Variants in KLF8 observed in about 807,000 individuals in gnomAD.
KLF8 encodes Krueppel-like factor 8.
Under a neutral mutation model 18.2 loss-of-function variants are expected in KLF8, and 10 were observed. The ratio of observed to expected loss-of-function variants is 0.55; its 90% CI spans 0.34 to 0.93. The LOEUF is 0.93. Among genes scored for constraint, KLF8 ranks in the 40% least tolerant of loss-of-function variants. The pLI is 0.02. For synonymous variants in KLF8, 109 were observed against 97.3 expected (o/e 1.12, Z -0.71); for missense variants, 264 against 277.9 (o/e 0.95, Z 0.36).
the KLF8 span, among the ~76,000 whole-genome samples, chrX:55,997,805 T>A: frequency 8.9e-6 from 1 of 111,733 alleles, no homozygotes; most frequent in African/African-American, 3.3e-5. Flanking sequence ...CCTGTGGGTG[T>A]TTCTCATAAG....
the KLF8 span, among the ~76,000 whole-genome samples, chrX:56,138,450 A>G: frequency 8.9e-6 from 1 of 111,861 alleles, no homozygotes; most frequent in Non-Finnish European, 1.9e-5. Flanking sequence ...CAGCAGCTAC[A>G]TCACAAAGCT....
chrX:56,048,242 C>A, the KLF8 span, among the ~76,000 whole-genome samples: 2 of 111,581 alleles, frequency 1.8e-5, no homozygotes. Flanking sequence ...ATGATGATTT[C>A]TTTTGCTGTG....
chrX:56,208,359 G>A, the KLF8 span, among the ~76,000 whole-genome samples: 1 of 110,894 alleles, frequency 9.0e-6, no homozygotes, highest in African/African-American at 3.3e-5. Context: ...TATTTATTTG[G>A]GTCTTATTTC....
At chrX:56,208,990 G>A in the KLF8 span, among the ~76,000 whole-genome samples, 2 of 111,911 alleles carry the variant, frequency 1.8e-5, no homozygotes, top group African/African-American at 6.5e-5. Flanking sequence ...GGTCTACAGT[G>A]CAGATTAAGT....
chrX:56,085,814 A>G, the KLF8 span, among the ~76,000 whole-genome samples: 1 of 112,201 alleles, frequency 8.9e-6, no homozygotes, highest in African/African-American at 3.2e-5. Context: ...GACTTCAAGA[A>G]ATATCTGAGC....
the KLF8 span, among the ~76,000 whole-genome samples, chrX:56,195,454 C>G: frequency 9.0e-6 from 1 of 111,504 alleles, no homozygotes; most frequent in African/African-American, 3.3e-5. Flanking sequence ...CTTCAATACC[C>G]GATTCAATGA....
chrX:56,201,188 G>A, the KLF8 span, among the ~76,000 whole-genome samples: 1 of 111,972 alleles, frequency 8.9e-6, no homozygotes, highest in South Asian at 3.7e-4. Context: ...ATTCACAATA[G>A]CCAAGACAAG....
At chrX:56,008,118 C>CTA in the KLF8 span, among the ~76,000 whole-genome samples, 1,527 of 99,707 alleles carry the variant, frequency 0.015, 20 homozygotes, top group East Asian at 0.044. Context: ...TAGTGCAAAG[C>CTA]TATATATATA....
At chrX:55,991,091 C>T in the KLF8 span, among the ~76,000 whole-genome samples, 2 of 112,277 alleles carry the variant, frequency 1.8e-5, no homozygotes, top group African/African-American at 3.2e-5. Context: ...ATACCCTGCC[C>T]CCAGAGCTGG....
upstream of KLF8, among the ~76,000 whole-genome samples, chrX:56,227,960 C>T (rs2066380417): frequency 9.1e-6 from 1 of 109,348 alleles, no homozygotes; most frequent in Non-Finnish European, 1.9e-5. Flanking sequence ...GCCTGAGGCA[C>T]AACTAAATTT....
the KLF8 span, among the ~76,000 whole-genome samples, chrX:56,211,083 T>G: frequency 1.8e-5 from 2 of 111,421 alleles, no homozygotes; most frequent in South Asian, 3.8e-4. Context: ...CTGGTGTAGA[T>G]GCTAGTAGAT....
the KLF8 span, among the ~76,000 whole-genome samples, chrX:56,149,668 G>C: frequency 1.8e-5 from 2 of 111,514 alleles, no homozygotes; most frequent in Admixed American, 1.9e-4. Flanking sequence ...TGGTGTGCAG[G>C]TTCAAAATGT....
At chrX:55,953,442 C>T in the KLF8 span, among the ~76,000 whole-genome samples, 2 of 75,084 alleles carry the variant, frequency 2.7e-5, no homozygotes, top group South Asian at 1.6e-3. Flanking sequence ...CCCTCAAAAT[C>T]CCAGGTGGAT....
At chrX:55,959,814 A>G in the KLF8 span, among the ~76,000 whole-genome samples, 2 of 111,585 alleles carry the variant, frequency 1.8e-5, no homozygotes, top group Non-Finnish European at 3.8e-5. Context: ...TGGAAAACAT[A>G]TTTCAGGATA....
At chrX:56,157,334 T>C in the KLF8 span, among the ~76,000 whole-genome samples, 55 of 109,715 alleles carry the variant, frequency 5.0e-4, no homozygotes, top group Admixed American at 3.6e-3. Context: ...TGTATACATA[T>C]GTAACAAACC....
chrX:56,008,128 A>G, the KLF8 span, among the ~76,000 whole-genome samples: 1 of 107,693 alleles, frequency 9.3e-6, no homozygotes, highest in Non-Finnish European at 1.9e-5. Flanking sequence ...CTATATATAT[A>G]TATATATATA....
the KLF8 span, among the ~76,000 whole-genome samples, chrX:56,164,729 C>CTTTTTTTTTTTTTTTTTTTTTTTTTT: frequency 1.2e-4 from 6 of 51,903 alleles, no homozygotes; most frequent in Admixed American, 2.5e-4. Context: ...CTTGTTATCT[C>CTTTTTTTTTTTTTTTTTTTTTTTTTT]TTTTTTTTTT....
At chrX:56,026,971 C>T in the KLF8 span, among the ~76,000 whole-genome samples, 1 of 112,600 alleles carries the variant, frequency 8.9e-6, no homozygotes, top group Non-Finnish European at 1.9e-5. Context: ...CAATAGGTAA[C>T]GCATTGCTGC....
At chrX:56,197,955 A>T in the KLF8 span, among the ~76,000 whole-genome samples, 40 of 112,114 alleles carry the variant, frequency 3.6e-4, no homozygotes, top group Admixed American at 9.5e-5. Context: ...AATAAACATA[A>T]TCCATCACAT....
Sources: gnomAD v4.1 joint callset for allele counts (sites outside exome capture counted in the v4.1 genomes callset) on GRCh38, gnomAD v4.1.1 for gene constraint, MANE v1.5 for transcripts, NCBI Gene and HGNC (gene_info 2026-07-23, HGNC 2026-07-21) for gene names.